Variants in PHKB observed in about 807,000 individuals in gnomAD.
The protein encoded by PHKB is phosphorylase kinase regulatory subunit beta, also known as phosphorylase b kinase regulatory subunit beta.
A neutral mutation model predicts 152.1 loss-of-function variants in PHKB; 122 were observed. The observed-to-expected ratio is 0.80, with a 90% confidence interval of 0.69 to 0.93. PHKB has a LOEUF of 0.93. PHKB is among the 40% of genes least tolerant of loss of function. The probability of loss-of-function intolerance (pLI) is 0.00; values close to 1 mark genes in which losing one functional copy is unlikely to be tolerated. For missense variants in PHKB, 1,304 were observed against 1,328.4 expected, an observed-to-expected ratio of 0.98 and a Z score of 0.29; for synonymous variants, 436 against 464.9, an observed-to-expected ratio of 0.94 and a Z score of 0.80.
intron 6 of PHKB, among the ~76,000 whole-genome samples, chr16:47,526,076 A>G (rs1299002308): frequency 6.6e-6 from 1 of 152,088 alleles, no homozygotes; most frequent in Non-Finnish European, 1.5e-5. Context: ...AAGAAGAACT[A>G]ACCAGCCTCT....
intron 14 of PHKB, among the ~76,000 whole-genome samples, chr16:47,628,448 C>T (rs971237549): frequency 2.0e-5 from 3 of 152,120 alleles, no homozygotes; most frequent in Admixed American, 6.6e-5. Flanking sequence ...AGGAGAGTGG[C>T]GTGAACCCGG....
intron 16 of PHKB, among the ~76,000 whole-genome samples, chr16:47,641,920 A>G (rs769784495): frequency 9.2e-5 from 14 of 152,098 alleles, no homozygotes; most frequent in Non-Finnish European, 1.5e-4. Flanking sequence ...CGTTATGTTT[A>G]TAGGTCTTGT....
intron 1 of PHKB, among the ~76,000 whole-genome samples, chr16:47,476,430 T>G (rs1969869718): frequency 6.6e-6 from 1 of 152,188 alleles, no homozygotes; most frequent in Non-Finnish European, 1.5e-5. Context: ...TATACCCACT[T>G]TATCCCAATT....
At chr16:47,521,655 C>CA (rs34948954) in intron 6 of PHKB, among the ~76,000 whole-genome samples, 8,312 of 132,302 alleles carry the variant, frequency 0.063, 327 homozygotes, top group Non-Finnish European at 0.094. Context: ...AACTACGTCT[C>CA]AAAAAAAAAA....
intron 20 of PHKB, among the ~76,000 whole-genome samples, chr16:47,657,062 G>C (rs1232597335): frequency 6.6e-6 from 1 of 152,068 alleles, no homozygotes; most frequent in East Asian, 1.9e-4. Flanking sequence ...TCGGGGACTG[G>C]AATTAATTTC....
chr16:47,650,494 G>C (rs768071517), intron 18 of PHKB, 50 bp from the exon 19 acceptor site: 1 of 1,066,272 alleles, frequency 9.4e-7, no homozygotes, highest in Non-Finnish European at 1.5e-6. Context: ...TGAGCATCCT[G>C]TTCATCTTAG....
chr16:47,526,371 T>C (rs1970767320), intron 6 of PHKB, among the ~76,000 whole-genome samples: 1 of 151,846 alleles, frequency 6.6e-6, no homozygotes, highest in South Asian at 2.1e-4. Context: ...GATCGTGCCA[T>C]TGCACTCCAG....
At chr16:47,520,844 C>T (rs1366547264) in intron 6 of PHKB, among the ~76,000 whole-genome samples, 4 of 152,112 alleles carry the variant, frequency 2.6e-5, no homozygotes, top group Non-Finnish European at 4.4e-5. Flanking sequence ...TCATTTGAAG[C>T]TCAAAGCTTT....
intron 28 of PHKB, among the ~76,000 whole-genome samples, chr16:47,694,143 A>G (rs1036221276): frequency 3.3e-5 from 5 of 152,106 alleles, no homozygotes; most frequent in Non-Finnish European, 5.9e-5. Context: ...CACTTACTTC[A>G]CTCCAGGTGT....
At chr16:47,593,681 G>A (rs764368876) in intron 11 of PHKB, 124 bp downstream of exon 11, 27 of 696,730 alleles carry the variant, frequency 3.9e-5, no homozygotes, top group Non-Finnish European at 5.5e-5. Flanking sequence ...AATAGACTGC[G>A]CTTCAGTGAT....
At chr16:47,470,525 T>C (rs1208999776) in intron 1 of PHKB, among the ~76,000 whole-genome samples, 2 of 152,236 alleles carry the variant, frequency 1.3e-5, no homozygotes, top group African/African-American at 4.8e-5. Flanking sequence ...ATTTTGTTTA[T>C]GGCCAGTTTT....
At chr16:47,474,090 A>G (rs1286888811) in intron 1 of PHKB, among the ~76,000 whole-genome samples, 1 of 152,082 alleles carries the variant, frequency 6.6e-6, no homozygotes, top group African/African-American at 2.4e-5. Context: ...TTCAAAATAT[A>G]TATCATTGAT....
At chr16:47,577,590 T>C (rs1971770847) in intron 7 of PHKB, among the ~76,000 whole-genome samples, 1 of 152,204 alleles carries the variant, frequency 6.6e-6, no homozygotes, top group Admixed American at 6.5e-5. Context: ...TGAGATTGTC[T>C]TGGTTTCTTC....
intron 11 of PHKB, among the ~76,000 whole-genome samples, chr16:47,593,850 A>G (rs1028387330): frequency 2.0e-5 from 3 of 152,220 alleles, no homozygotes; most frequent in African/African-American, 7.2e-5. Context: ...AGAAATCATT[A>G]ATACTGTAAT....
rs565941183 is a variant in PHKB at position 47,655,873 on chromosome 16, G to A, written c.1972-4633G>A. Among the ~76,000 whole-genome samples the A allele has an allele frequency of 2.3e-4, 35 of 152,266 alleles. No individual in the cohort carries two copies. In the South Asian group the frequency reaches 6.2e-3, roughly 27 times the overall value. ...CTAGTTCACTACTTTTTATACTCAA[G>A]CACCTGAACTTTCATCACTTTCTTT... On this transcript the variant is annotated intron_variant, in intron 20 of 30. Coordinates refer to ENST00000323584, the MANE Select transcript of PHKB (RefSeq NM_000293.3).
intron 13 of PHKB, among the ~76,000 whole-genome samples, chr16:47,598,479 C>T (rs1269765304): frequency 2.0e-5 from 3 of 152,108 alleles, no homozygotes; most frequent in Non-Finnish European, 4.4e-5. Context: ...CTTTATAAAT[C>T]AAAAATGGAT....
intron 25 of PHKB, among the ~76,000 whole-genome samples, chr16:47,666,238 C>A (rs1973536907): frequency 6.6e-6 from 1 of 152,188 alleles, no homozygotes; most frequent in African/African-American, 2.4e-5. Context: ...TTTCCTGCTG[C>A]ACCTTAAAGC....
intron 13 of PHKB, among the ~76,000 whole-genome samples, chr16:47,608,515 C>G (rs1201215833): frequency 6.6e-6 from 1 of 152,176 alleles, no homozygotes; most frequent in Non-Finnish European, 1.5e-5. Flanking sequence ...AGTTTGAGAC[C>G]AGCCTGGCCA....
intron 7 of PHKB, chr16:47,565,820 C>A: frequency 7.0e-7 from 1 of 1,425,422 alleles, no homozygotes; most frequent in South Asian, 1.2e-5. Flanking sequence ...TGGGCTTTGT[C>A]CCTCCAAAGA....
Sources: allele counts gnomAD v4.1 joint callset (sites outside exome capture counted in the v4.1 genomes callset), GRCh38; gene constraint gnomAD v4.1.1; transcripts MANE v1.5; gene names NCBI Gene and HGNC (gene_info 2026-07-23, HGNC 2026-07-21).